The following IDE variants were observed in gnomAD, a reference collection of about 807,000 sequenced individuals.
IDE encodes insulin degrading enzyme.
IDE carries 58 observed loss-of-function variants against 133.2 expected under a neutral mutation model. The observed-to-expected ratio is 0.44, with a 90% CI of 0.35 to 0.54. IDE has a LOEUF of 0.54. IDE is among the 20% of genes least tolerant of loss of function. The pLI, the probability that IDE is intolerant of heterozygous loss-of-function variation, is 0.00. For synonymous variants in IDE, 396 were observed against 421.3 expected (o/e 0.94, Z 0.73); for missense variants, 981 against 1,234.0 (o/e 0.79, Z 3.07).
At chr10:92,563,103 T>G (rs1291524027) in intron 1 of IDE, among the ~76,000 whole-genome samples, 2 of 152,054 alleles carry the variant, frequency 1.3e-5, no homozygotes, top group Non-Finnish European at 2.9e-5. Flanking sequence ...GTACAAAAAT[T>G]AGCCGGGCGT....
At chr10:92,566,409 TCTCTCACA>T (rs1240772296) in intron 1 of IDE, among the ~76,000 whole-genome samples, 1 of 144,542 alleles carries the variant, frequency 6.9e-6, no homozygotes. Context: ...TCTCTCTCTC[TCTCTCACA>T]CACACACACA....
At chr10:92,551,699 G>A (rs1420264613) in intron 1 of IDE, among the ~76,000 whole-genome samples, 1 of 152,150 alleles carries the variant, frequency 6.6e-6, no homozygotes, top group Admixed American at 6.6e-5. Context: ...GCAAGGGTCT[G>A]AAGGGAGGGG....
intron 11 of IDE, among the ~76,000 whole-genome samples, chr10:92,501,932 A>C (rs546343748): frequency 1.3e-5 from 2 of 152,210 alleles, no homozygotes; most frequent in East Asian, 3.9e-4. Context: ...CCGAGATTGC[A>C]CCATTGCACT....
chr10:92,534,704 G>A lies in IDE; in HGVS notation c.365C>T (p.Pro122Leu). 1 of 1,613,522 alleles carries A rather than the reference G, an allele frequency of 6.2e-7. No homozygotes were observed. Among genetic ancestry groups the A allele is most frequent in the Non-Finnish European group, 8.5e-7 (1 of 1,179,600 alleles). The change falls in exon 3 of 25, where the codon CCT (proline) becomes CTT (leucine). Residue 122 changes from proline to leucine, a missense_variant. Coordinates refer to ENST00000265986, the MANE Select transcript of IDE (RefSeq NM_004969.4). ...AAACTGGCTGTATTCATTTTCTTTA[G>A]GGTATTTCTTTGTTCCCAAAAAAAG... is the stretch of plus-strand genomic sequence containing the variant. ...HMLFLGTKKY[P>L]KENEYSQFLS...
chr10:92,489,417 G>A (rs1232836429), intron 12 of IDE, among the ~76,000 whole-genome samples: 2 of 152,092 alleles, frequency 1.3e-5, no homozygotes, highest in African/African-American at 4.8e-5. Context: ...GGGCGTGGTG[G>A]CATGCGCCTA....
At chr10:92,478,086 C>T (rs376062250) in intron 15 of IDE, among the ~76,000 whole-genome samples, 1 of 152,018 alleles carries the variant, frequency 6.6e-6, no homozygotes, top group Non-Finnish European at 1.5e-5. Flanking sequence ...GATGTTAACT[C>T]GGAATTGAGA....
Position 92,454,262 on chromosome 10 carries a change from CATCTAT to C in IDE, c.*176_*181del. 2.1e-6 allele frequency: 1 copy of C among 480,560 alleles called. No homozygotes were observed. Among genetic ancestry groups the C allele is most frequent in the Middle Eastern group, 5.3e-4 (1 of 1,884 alleles). The allele number at this position is 480,560 out of a possible 1,614,324, so 29.8% of individuals were successfully genotyped here. On this transcript the variant is annotated 3_prime_UTR_variant, in exon 25 of 25. Coordinates refer to ENST00000265986, the MANE Select transcript of IDE (RefSeq NM_004969.4). Reference sequence around the variant, plus strand: ...AGGCATGTATTTAAAAAATATTCTACATCTATAAGATTTTGTAATTTACTTTGGATT... The same window carrying C: ...AGGCATGTATTTAAAAAATATTCTACAAGATTTTGTAATTTACTTTGGATT...
intron 4 of IDE, among the ~76,000 whole-genome samples, chr10:92,515,625 G>C (rs895058877): frequency 4.2e-5 from 6 of 141,814 alleles, no homozygotes; most frequent in African/African-American, 1.3e-4. Flanking sequence ...GCAATGGCGT[G>C]ATCTCGGCTC....
chr10:92,515,354 G>T (rs1848850571), intron 4 of IDE, among the ~76,000 whole-genome samples: 1 of 150,962 alleles, frequency 6.6e-6, no homozygotes, highest in Non-Finnish European at 1.5e-5. Flanking sequence ...CCGCCTCCCG[G>T]GTTCACGCCA....
At chr10:92,534,819 G>A in intron 2 of IDE, 34 bp from the exon 3 acceptor site, 1 of 1,509,476 alleles carries the variant, frequency 6.6e-7, no homozygotes, top group Non-Finnish European at 9.2e-7. Context: ...ATAAATCATT[G>A]TCCTATGCTG....
At chr10:92,486,397 C>G (rs1846998309) in intron 13 of IDE, among the ~76,000 whole-genome samples, 1 of 152,042 alleles carries the variant, frequency 6.6e-6, no homozygotes, top group South Asian at 2.1e-4. Context: ...CATTAATAAT[C>G]TAGTTGCTTA....
At chr10:92,457,892 G>T (rs959055883) in intron 22 of IDE, among the ~76,000 whole-genome samples, 14 of 152,126 alleles carry the variant, frequency 9.2e-5, no homozygotes, top group Non-Finnish European at 4.4e-5. Flanking sequence ...GGCCTGCTCT[G>T]ACCTCTCCAG....
At position 92,479,595 on chromosome 10, in the gene IDE, C is replaced by G. The variant is rs1337173853; in HGVS notation, c.1740-174G>C. 6 of 577,826 alleles carry G rather than the reference C, an allele frequency of 1.0e-5. 1 individual carries two copies. Among genetic ancestry groups the G allele is most frequent in the Non-Finnish European group, 1.8e-5 (6 of 326,972 alleles). The allele number at this position is 577,826 out of a possible 1,614,324, so 35.8% of individuals were successfully genotyped here. On this transcript the variant is annotated intron_variant, in intron 14 of 24. Coordinates refer to ENST00000265986, the MANE Select transcript of IDE (RefSeq NM_004969.4). ...AAAAAGAAGATGTCTGAAAAAGAAG[C>G]CTGAAGTGTGTGTGAGTGTGTGTGT...
At chr10:92,484,569 T>C (rs1405341879) in intron 13 of IDE, among the ~76,000 whole-genome samples, 1 of 151,684 alleles carries the variant, frequency 6.6e-6, no homozygotes, top group Non-Finnish European at 1.5e-5. Flanking sequence ...CCTGTCTCTA[T>C]TAAAAATACA....
intron 4 of IDE, among the ~76,000 whole-genome samples, chr10:92,523,109 A>G (rs1209238685): frequency 6.6e-6 from 1 of 152,142 alleles, no homozygotes; most frequent in Non-Finnish European, 1.5e-5. Flanking sequence ...TTATAATCCT[A>G]TGAACTTGGA....
At chr10:92,519,465 G>C (rs1017029979) in intron 4 of IDE, among the ~76,000 whole-genome samples, 4 of 152,200 alleles carry the variant, frequency 2.6e-5, no homozygotes, top group African/African-American at 9.6e-5. Flanking sequence ...GAGCAGGGTT[G>C]CTCACCTACT....
At chr10:92,531,726 A>G (rs1849935128) in intron 4 of IDE, 22 bp downstream of exon 4, 25 of 1,529,544 alleles carry the variant, frequency 1.6e-5, no homozygotes, top group Non-Finnish European at 2.2e-5. Flanking sequence ...AATGAGGTCA[A>G]GGAAAGCAGC....
chr10:92,564,885 C>G (rs1261296573), intron 1 of IDE, among the ~76,000 whole-genome samples: 2 of 151,530 alleles, frequency 1.3e-5, no homozygotes, highest in Admixed American at 1.3e-4. Flanking sequence ...AGTAAGACCC[C>G]ATCTCTAAAA....
chr10:92,572,191 G>A (rs1843818103), intron 1 of IDE, among the ~76,000 whole-genome samples: 1 of 152,150 alleles, frequency 6.6e-6, no homozygotes, highest in South Asian at 2.1e-4. Context: ...TAAAATTGGT[G>A]CTTTCTTTAA....
Sources: allele counts gnomAD v4.1 joint callset (sites outside exome capture counted in the v4.1 genomes callset), GRCh38; gene constraint gnomAD v4.1.1; transcripts MANE v1.5; gene names NCBI Gene and HGNC (gene_info 2026-07-23, HGNC 2026-07-21).